ERBB4: variants seen among roughly 807,000 people sequenced by gnomAD.
ERBB4 encodes the protein receptor tyrosine-protein kinase erbB-4.
Under a neutral mutation model 158.0 loss-of-function variants are expected in ERBB4, and 42 were observed. The ratio of observed to expected loss-of-function variants is 0.27; its 90% CI spans 0.21 to 0.34. The LOEUF is 0.34. Ranked by LOEUF, ERBB4 falls within the 10% of genes least tolerant of loss-of-function variation. The pLI, the probability that ERBB4 is intolerant of heterozygous loss-of-function variation, is 1.00. For missense variants in ERBB4, 1,333 were observed against 1,624.1 expected (o/e 0.82, Z 3.08); for synonymous variants, 583 against 558.7 (o/e 1.04, Z -0.61).
intron 1 of ERBB4, among the ~76,000 whole-genome samples, chr2:212,341,611 G>T (rs2088716033): frequency 1.3e-5 from 1 of 75,076 alleles, no homozygotes; most frequent in African/African-American, 4.7e-5. Flanking sequence ...TAAGAGTATA[G>T]ACTGTCTTTG....
intron 20 of ERBB4, among the ~76,000 whole-genome samples, chr2:211,463,520 A>C (rs1008580339): frequency 3.3e-5 from 5 of 152,120 alleles, no homozygotes; most frequent in Non-Finnish European, 5.9e-5. Flanking sequence ...CAGATGGTAA[A>C]ATTGGGGCTG....
intron 3 of ERBB4, among the ~76,000 whole-genome samples, chr2:211,859,548 T>A (rs369353597): frequency 2.6e-5 from 4 of 152,172 alleles, no homozygotes; most frequent in East Asian, 3.9e-4. Context: ...AATATTAAAA[T>A]TCCTAAAAGT....
At chr2:212,139,481 A>G (rs2080375032) in intron 1 of ERBB4, among the ~76,000 whole-genome samples, 2 of 152,028 alleles carry the variant, frequency 1.3e-5, no homozygotes, top group South Asian at 2.1e-4. Context: ...AATATCTCAT[A>G]TCACACTAAC....
chr2:211,662,119 AT>A (rs1393076586), intron 15 of ERBB4, among the ~76,000 whole-genome samples: 1 of 148,910 alleles, frequency 6.7e-6, no homozygotes, highest in Non-Finnish European at 1.5e-5. Context: ...ATATAAAATC[AT>A]TATTCTAATA....
chr2:211,749,219 A>G (rs2075059142), intron 5 of ERBB4, among the ~76,000 whole-genome samples: 1 of 152,222 alleles, frequency 6.6e-6, no homozygotes, highest in Admixed American at 6.5e-5. Context: ...CAACCTCTAT[A>G]GAAAATAAGA....
chr2:212,366,620 AATAAT>A (rs2106373685), intron 1 of ERBB4, among the ~76,000 whole-genome samples: 1 of 152,072 alleles, frequency 6.6e-6, no homozygotes, highest in South Asian at 2.1e-4. Flanking sequence ...TTTTCTCATT[AATAAT>A]ATATTTTATC....
At chr2:211,713,489 G>C (rs747424253) in intron 8 of ERBB4, 46 bp downstream of exon 8, 1 of 1,184,790 alleles carries the variant, frequency 8.4e-7, no homozygotes, top group Non-Finnish European at 1.3e-6. Flanking sequence ...TAAAAACCTT[G>C]TTATATAGGC....
At chr2:211,587,523 C>T (rs543636397) in intron 19 of ERBB4, among the ~76,000 whole-genome samples, 1 of 152,150 alleles carries the variant, frequency 6.6e-6, no homozygotes, top group African/African-American at 2.4e-5. Context: ...CTACCAGAAG[C>T]CAGAAGAGGC....
At chr2:212,531,698 C>T (rs1363516657) in intron 1 of ERBB4, among the ~76,000 whole-genome samples, 3 of 151,946 alleles carry the variant, frequency 2.0e-5, no homozygotes, top group Non-Finnish European at 2.9e-5. Context: ...TTTCTGCTGA[C>T]TGGACATCTT....
At chr2:211,625,467 A>G (rs1473619880) in intron 17 of ERBB4, among the ~76,000 whole-genome samples, 1 of 152,188 alleles carries the variant, frequency 6.6e-6, no homozygotes, top group Non-Finnish European at 1.5e-5. Flanking sequence ...ACGTAATAAA[A>G]AATTGCCAAT....
intron 1 of ERBB4, among the ~76,000 whole-genome samples, chr2:212,448,942 C>T (rs1412887409): frequency 6.6e-6 from 1 of 152,064 alleles, no homozygotes; most frequent in Non-Finnish European, 1.5e-5. Context: ...TGCTTTTCCT[C>T]TTTTATGTTT....
chr2:211,681,968 A>C (rs2072353982), intron 12 of ERBB4, among the ~76,000 whole-genome samples: 1 of 151,690 alleles, frequency 6.6e-6, no homozygotes, highest in Non-Finnish European at 1.5e-5. Flanking sequence ...CATATGATTC[A>C]TTTAGAGTTA....
intron 1 of ERBB4, among the ~76,000 whole-genome samples, chr2:212,197,165 T>C (rs1394209644): frequency 6.6e-6 from 1 of 152,116 alleles, no homozygotes; most frequent in African/African-American, 2.4e-5. Flanking sequence ...AAGCTTTTCT[T>C]CCCTGGCAAT....
At chr2:211,489,677 A>G (rs1166589011) in intron 20 of ERBB4, among the ~76,000 whole-genome samples, 1 of 152,004 alleles carries the variant, frequency 6.6e-6, no homozygotes, top group Non-Finnish European at 1.5e-5. Context: ...AAAAGTGAAT[A>G]TGAAGGTATT....
At chr2:212,016,025 C>G (rs1457388059) in intron 2 of ERBB4, among the ~76,000 whole-genome samples, 1 of 137,962 alleles carries the variant, frequency 7.2e-6, no homozygotes, top group Admixed American at 7.0e-5. Context: ...GACTACTGAC[C>G]AGAAAAAAAA....
At chr2:212,535,874 T>C (rs577561797) in intron 1 of ERBB4, among the ~76,000 whole-genome samples, 1 of 152,212 alleles carries the variant, frequency 6.6e-6, no homozygotes, top group Admixed American at 6.5e-5. Flanking sequence ...CCCCGCCCTA[T>C]ATTTTTATTC....
chr2:212,324,071 G>A (rs2087701137), intron 1 of ERBB4, among the ~76,000 whole-genome samples: 1 of 150,468 alleles, frequency 6.6e-6, no homozygotes, highest in South Asian at 2.1e-4. Context: ...TCAGTGAACT[G>A]GTAAACTGTG....
intron 19 of ERBB4, among the ~76,000 whole-genome samples, chr2:211,589,262 G>A (rs966580106): frequency 6.6e-6 from 1 of 152,038 alleles, no homozygotes; most frequent in Non-Finnish European, 1.5e-5. Context: ...ATTCCCTCAA[G>A]TAATTGATGA....
rs569668730 is a variant in ERBB4 at position 212,538,628 on chromosome 2, G to C, written c.-98C>G. The C allele has an allele frequency of 7.5e-5, 93 of 1,241,098 alleles. 1 individual carries two copies. The highest frequency in any genetic ancestry group is 2.4e-5 in the South Asian group (2 of 82,146). The allele number at this position is 1,241,098 out of a possible 1,614,324, so 76.9% of individuals were successfully genotyped here. A position where few individuals can be genotyped will look rare whatever the true frequency, so the allele number is the denominator to read the frequency against. On this transcript the variant is annotated 5_prime_UTR_variant, in exon 1 of 28. Coordinates refer to ENST00000342788, the MANE Select transcript of ERBB4 (RefSeq NM_005235.3). ...GGAGATCCCCCAGCCGGGCGCGCGT[G>C]GGGGTGCGAGGGGGGCGGGCGCGGC...
Sources: allele counts gnomAD v4.1 joint callset (sites outside exome capture counted in the v4.1 genomes callset), GRCh38; gene constraint gnomAD v4.1.1; transcripts MANE v1.5; gene names NCBI Gene and HGNC (gene_info 2026-07-23, HGNC 2026-07-21).